The following PADI2 variants were observed in gnomAD, a reference collection of about 807,000 sequenced individuals.
PADI2 encodes peptidyl arginine deiminase 2.
In PADI2, 70 loss-of-function variants were observed where a neutral mutation model predicts 81.1. That is an observed-to-expected ratio of 0.86 (90% CI 0.71 to 1.05). The LOEUF (loss-of-function observed/expected upper bound fraction) is 1.05. Ranked by LOEUF, PADI2 falls within the 50% of genes least tolerant of loss-of-function variation. The pLI is 0.00. For synonymous variants in PADI2, 338 were observed against 358.0 expected (o/e 0.94, Z 0.63); for missense variants, 853 against 889.9 (o/e 0.96, Z 0.53).
chr1:17,098,607 C>G (rs773117906), intron 3 of PADI2, among the ~76,000 whole-genome samples: 21 of 152,216 alleles, frequency 1.4e-4, no homozygotes, highest in Non-Finnish European at 8.8e-5. Context: ...TGAATTCAGA[C>G]AGGTTTCGTT....
rs370461260 is a variant in PADI2, at chr1:17,079,412, G to A, written c.1162C>T (p.Pro388Ser). 5 of 1,613,300 alleles carry A rather than the reference G, an allele frequency of 3.1e-6. 1 individual carries two copies. The highest frequency in any genetic ancestry group is 1.3e-5 in the African/African-American group (1 of 74,888). ...TCCCGGGTCACGTAGCCAAAATCTG[G>A]GCCCTAGGCAGAGGGCACACACCTG... The part of the protein sequence containing the change: ...KDFPVKELLG[P>S]DFGYVTREPL... Residue 388 changes from proline to serine, a missense_variant, in exon 11 of 16, where the codon CCA (proline) becomes TCA (serine). Coordinates refer to ENST00000375486, the MANE Select transcript of PADI2 (RefSeq NM_007365.3).
At chr1:17,113,581 C>T (rs540291884) in intron 1 of PADI2, among the ~76,000 whole-genome samples, 34 of 152,302 alleles carry the variant, frequency 2.2e-4, no homozygotes, top group African/African-American at 7.5e-4. Context: ...CCTGAGATCC[C>T]CCAGGTAGGT....
chr1:17,081,987 C>A (rs1265237561), intron 10 of PADI2, among the ~76,000 whole-genome samples: 3 of 152,158 alleles, frequency 2.0e-5, no homozygotes, highest in Non-Finnish European at 4.4e-5. Flanking sequence ...ATGGTGCATG[C>A]CTGTAATCCC....
In PADI2 at chr1:17,089,401, G is replaced by A. The variant is rs374915656; in HGVS notation, c.656-2702C>T. On this transcript the variant is annotated intron_variant, in intron 6 of 15. Coordinates refer to ENST00000375486, the MANE Select transcript of PADI2 (RefSeq NM_007365.3). Reference sequence around the variant, plus strand: ...GCTGCACTTGAACTGATGCTCAGGGGACAGTCAGGCTTAGAAGCCAACTTG... The same window carrying A: ...GCTGCACTTGAACTGATGCTCAGGGAACAGTCAGGCTTAGAAGCCAACTTG... 2.6e-5 allele frequency among the ~76,000 whole-genome samples: 4 copies of A among 152,164 alleles called. No individual in the cohort carries two copies. In the East Asian group the frequency reaches 7.7e-4, roughly 29 times the overall value.
In PADI2 at chr1:17,117,171, C is replaced by T. The variant is rs548024363; in HGVS notation, c.92+2109G>A. On this transcript the variant is annotated intron_variant, in intron 1 of 15. Transcript: ENST00000375486. ...GTTCTGTCCCGGTGTCACTGGCTCA[C>T]GGTGGCCAGTGAGCACCTGAGATGC... Among the ~76,000 whole-genome samples, 14 of 152,292 alleles carry T rather than the reference C, an allele frequency of 9.2e-5. 1 individual carries two copies. The highest frequency in any genetic ancestry group is 3.4e-3 in the Middle Eastern group (1 of 294).
At chr1:17,097,553 G>A (rs1035287308) in intron 3 of PADI2, among the ~76,000 whole-genome samples, 15 of 152,138 alleles carry the variant, frequency 9.9e-5, no homozygotes, top group African/African-American at 3.6e-4. Context: ...CTACTGCTCC[G>A]GGAGCTGTAC....
intron 4 of PADI2, 122 bp from the exon 5 acceptor site, chr1:17,093,806 T>C (rs935094626): frequency 3.3e-6 from 2 of 607,244 alleles, no homozygotes; most frequent in African/African-American, 3.7e-5. Context: ...GGGGCAGCTG[T>C]GACCTGGCAA....
At chr1:17,074,515 A>G (rs1470046453) in intron 13 of PADI2, among the ~76,000 whole-genome samples, 1 of 152,202 alleles carries the variant, frequency 6.6e-6, no homozygotes, top group East Asian at 1.9e-4. Context: ...AATTGTAGGC[A>G]TGAGCCACCA....
intron 1 of PADI2, among the ~76,000 whole-genome samples, chr1:17,118,206 C>T (rs145633931): frequency 1.3e-5 from 2 of 152,076 alleles, no homozygotes; most frequent in African/African-American, 4.8e-5. Context: ...CCATAAACCA[C>T]GATGGTGCCT....
intron 1 of PADI2, among the ~76,000 whole-genome samples, chr1:17,114,329 C>T (rs1931684906): frequency 6.6e-6 from 1 of 152,152 alleles, no homozygotes; most frequent in African/African-American, 2.4e-5. Context: ...TTCATTGACT[C>T]CAGGGAGGAT....
At chr1:17,086,204 C>G (rs557052142) in intron 7 of PADI2, among the ~76,000 whole-genome samples, 1 of 152,310 alleles carries the variant, frequency 6.6e-6, no homozygotes, top group South Asian at 2.1e-4. Context: ...TCGCGCTAAT[C>G]AGCAGGACTC....
rs1401608703 is a variant in PADI2 at position 17,092,465 on chromosome 1, T to A, written c.598A>T (p.Ile200Leu). The change falls in exon 6 of 16, where the codon ATA (isoleucine) becomes TTA (leucine). Residue 200 changes from isoleucine (I) to leucine (L), a missense_variant. Transcript: ENST00000375486. Reference protein sequence around the residue: ...GPDRLPAGYEIVLYISMSDSD... With the variant: ...GPDRLPAGYELVLYISMSDSD... The stretch of plus-strand genomic sequence containing the variant: ...TCTGACATGGAAATGTACAGAACTA[T>A]CTCGTATCCGGCGGGGAGGCGGTCG... 4 of 1,605,504 alleles carry A rather than the reference T, an allele frequency of 2.5e-6. No homozygotes were observed. Among genetic ancestry groups the A allele is most frequent in the Non-Finnish European group, 3.4e-6 (4 of 1,176,820 alleles).
Position 17,084,633 on chromosome 1 carries a change from T to A in PADI2, c.904A>T (p.Asn302Tyr). The stretch of plus-strand genomic sequence containing the variant: ...AACACCGACACGGGAGGCAGGATGT[T>A]GGGGGTCATGATCCACGGAGCAATC... ...FRIAPWIMTP[N>Y]ILPPVSVFVC... The change falls in exon 8 of 16, where the codon AAC becomes TAC. Residue 302 changes from asparagine (N) to tyrosine (Y), a missense_variant. By Grantham distance (143) the Asn-to-Tyr change is moderately radical. Transcript: ENST00000375486. 1.3e-6 allele frequency: 2 copies of A among 1,582,758 alleles called. No individual in the cohort carries two copies. Among genetic ancestry groups the A allele is most frequent in the Non-Finnish European group, 1.7e-6 (2 of 1,164,200 alleles).
intron 3 of PADI2, among the ~76,000 whole-genome samples, chr1:17,098,797 A>G (rs889653920): frequency 6.6e-6 from 1 of 152,198 alleles, no homozygotes; most frequent in African/African-American, 2.4e-5. Flanking sequence ...TGCCCATGGG[A>G]CTTCGCCCCT....
intron 1 of PADI2, among the ~76,000 whole-genome samples, chr1:17,109,471 C>T (rs1039037550): frequency 9.3e-5 from 14 of 150,434 alleles, no homozygotes; most frequent in Admixed American, 7.9e-4. Flanking sequence ...TTAACCAGAG[C>T]CACTACTACT....
intron 13 of PADI2, among the ~76,000 whole-genome samples, chr1:17,072,558 T>C (rs1041674784): frequency 6.6e-6 from 1 of 152,184 alleles, no homozygotes; most frequent in South Asian, 2.1e-4. Context: ...TTCACCTTCC[T>C]CCCCAGGTCT....
chr1:17,106,271 T>C (rs1035222321), intron 1 of PADI2, among the ~76,000 whole-genome samples: 3 of 152,134 alleles, frequency 2.0e-5, no homozygotes, highest in Non-Finnish European at 4.4e-5. Context: ...ACTCCGAAAG[T>C]ATTTCAGAGC....
intron 2 of PADI2, among the ~76,000 whole-genome samples, chr1:17,103,431 G>A (rs1931225085): frequency 6.6e-6 from 1 of 152,132 alleles, no homozygotes; most frequent in Admixed American, 6.5e-5. Flanking sequence ...TCACTGTGAT[G>A]GGGCACATGG....
chr1:17,086,640 C>T lies in PADI2; in HGVS notation c.715G>A (p.Val239Ile), dbSNP rs771792778. ...TCCGCGGAGCCACCCGTGTACTTGA[C>T]CACATGGTAGAGCTTCCGCCGGCCC... ...ILGRRKLYHV[V>I]KYTGGSAELL... The change falls in exon 7 of 16, where the codon GTC (valine) becomes ATC (isoleucine). Residue 239 changes from valine (V) to isoleucine (I), a missense_variant. Transcript: ENST00000375486. The T allele has an allele frequency of 2.5e-6, 4 of 1,614,136 alleles. No individual in the cohort carries two copies. The highest frequency in any genetic ancestry group is 3.4e-6 in the Non-Finnish European group (4 of 1,180,010).
Sources: gnomAD v4.1 joint callset for allele counts (sites outside exome capture counted in the v4.1 genomes callset) on GRCh38, gnomAD v4.1.1 for gene constraint, MANE v1.5 for transcripts, NCBI Gene and HGNC (gene_info 2026-07-23, HGNC 2026-07-21) for gene names.